The following NKAIN3 variants were observed in gnomAD, a reference collection of about 807,000 sequenced individuals.
NKAIN3 encodes sodium/potassium-transporting ATPase subunit beta-1-interacting protein 3.
NKAIN3 carries 25 observed loss-of-function variants against 30.2 expected under a neutral mutation model. The observed-to-expected ratio is 0.83, with a 90% CI of 0.60 to 1.16. NKAIN3 has a LOEUF of 1.16. NKAIN3 is among the 50% of genes most tolerant of loss of function. The pLI, the probability that NKAIN3 is intolerant of heterozygous loss-of-function variation, is 0.00. For missense variants in NKAIN3, 225 were observed against 254.1 expected (o/e 0.89, Z 0.78); for synonymous variants, 91 against 89.6 (o/e 1.02, Z -0.09).
At chr8:62,596,479 A>G (rs1415951410) in intron 3 of NKAIN3, among the ~76,000 whole-genome samples, 1 of 151,972 alleles carries the variant, frequency 6.6e-6, no homozygotes, top group Admixed American at 6.6e-5. Context: ...CTGATGTTTG[A>G]CAGGTGTTCC....
chr8:62,994,269 G>A (rs1031553), intron 5 of NKAIN3, among the ~76,000 whole-genome samples: 29,642 of 152,090 alleles, frequency 0.19, 3,001 homozygotes, highest in East Asian at 0.41. Flanking sequence ...GCAATGGGTC[G>A]TTATGCAGCT....
chr8:62,333,206 A>G (rs962853526), intron 1 of NKAIN3, among the ~76,000 whole-genome samples: 1 of 152,058 alleles, frequency 6.6e-6, no homozygotes, highest in Non-Finnish European at 1.5e-5. Flanking sequence ...TCTAAAGGAT[A>G]TTTTCCTCAA....
At chr8:62,532,725 A>G (rs10098369) in intron 1 of NKAIN3, among the ~76,000 whole-genome samples, 7,176 of 152,214 alleles carry the variant, frequency 0.047, 498 homozygotes, top group African/African-American at 0.16. Context: ...CCATTCTATG[A>G]AAAGGCTTAT....
At chr8:62,962,354 A>T (rs1823591841) in intron 6 of NKAIN3, among the ~76,000 whole-genome samples, 1 of 152,258 alleles carries the variant, frequency 6.6e-6, no homozygotes, top group South Asian at 2.1e-4. Flanking sequence ...CATATAAGGC[A>T]TAATTTCAAC....
chr8:62,319,049 G>A (rs1814772152), intron 1 of NKAIN3, among the ~76,000 whole-genome samples: 1 of 152,022 alleles, frequency 6.6e-6, no homozygotes, highest in Non-Finnish European at 1.5e-5. Context: ...GCTTCTTCCT[G>A]GTTTAGTCTT....
intron 4 of NKAIN3, among the ~76,000 whole-genome samples, chr8:62,808,751 CCGAGAT>C (rs1818387458): frequency 6.6e-6 from 1 of 152,078 alleles, no homozygotes; most frequent in African/African-American, 2.4e-5. Context: ...TGGGGGCAGA[CCGAGAT>C]CACAAGACCA....
chr8:62,659,024 T>C (rs995093027), intron 3 of NKAIN3, among the ~76,000 whole-genome samples: 5 of 152,178 alleles, frequency 3.3e-5, no homozygotes, highest in Non-Finnish European at 5.9e-5. Flanking sequence ...CGCTCATTCA[T>C]ATGGAAATTC....
rs572971749 is a variant in NKAIN3 at position 62,979,090 on chromosome 8, G to C, written c.*13683G>C. 8 of 152,336 alleles carry C rather than the reference G, an allele frequency of 5.3e-5. No individual in the cohort carries two copies. In the East Asian group the frequency reaches 1.5e-3, roughly 29 times the overall value. The allele number at this position is 152,336 out of a possible 1,614,324, so 9.4% of individuals were successfully genotyped here. ...TGAGATGAACCGAGTACCTCAGTTG[G>C]AAATGCAGAAATCACCCACTTTCTG... On this transcript the variant is annotated 3_prime_UTR_variant, in exon 7 of 7. Transcript: ENST00000623646.
intron 1 of NKAIN3, among the ~76,000 whole-genome samples, chr8:62,488,744 A>G (rs1350192217): frequency 6.6e-6 from 1 of 152,170 alleles, no homozygotes; most frequent in Non-Finnish European, 1.5e-5. Flanking sequence ...AGAAAAATAA[A>G]CCATATTTTA....
At chr8:62,846,909 T>C (rs769508688) in intron 4 of NKAIN3, among the ~76,000 whole-genome samples, 1 of 152,074 alleles carries the variant, frequency 6.6e-6, no homozygotes, top group Non-Finnish European at 1.5e-5. Context: ...GCAAGAGAGC[T>C]TGTGCAGGGT....
chr8:62,310,217 A>C (rs1174046240), intron 1 of NKAIN3, among the ~76,000 whole-genome samples: 1 of 150,522 alleles, frequency 6.6e-6, no homozygotes, highest in East Asian at 1.9e-4. Context: ...AGTTGAAAAA[A>C]AATATTGGAC....
intron 1 of NKAIN3, among the ~76,000 whole-genome samples, chr8:62,417,873 C>T (rs188154871): frequency 6.6e-6 from 1 of 152,122 alleles, no homozygotes; most frequent in Admixed American, 6.5e-5. Context: ...GCTTATTAAT[C>T]CCTTGTCAGA....
chr8:62,366,569 A>G (rs1042909611), intron 1 of NKAIN3, among the ~76,000 whole-genome samples: 10 of 152,050 alleles, frequency 6.6e-5, no homozygotes, highest in African/African-American at 2.4e-4. Context: ...CTCCTTTGTC[A>G]TGTCTGAGCC....
At chr8:62,596,762 G>T (rs1351247182) in intron 3 of NKAIN3, among the ~76,000 whole-genome samples, 1 of 152,014 alleles carries the variant, frequency 6.6e-6, no homozygotes, top group African/African-American at 2.4e-5. Flanking sequence ...TTGAGGTCTG[G>T]ATCAGTCAAG....
rs751886092 is a variant in NKAIN3 at position 62,249,101 on chromosome 8, C to T, written c.28C>T (p.Leu10Phe). MGCCTGRCS[L>F]ICLCALQLVS... ...GGGCTGCTGCACCGGACGCTGCTCG[C>T]TCATCTGCCTCTGCGCGCTGCAGTT... The change falls in exon 1 of 7, where the codon CTC becomes TTC. Residue 10 changes from leucine (L) to phenylalanine (F), a missense_variant. Transcript: ENST00000623646. The T allele has an allele frequency of 1.0e-4, 156 of 1,539,142 alleles. No homozygotes were observed. Among genetic ancestry groups the T allele is most frequent in the Non-Finnish European group, 1.3e-4 (144 of 1,144,168 alleles).
rs559998691 is a variant in NKAIN3 at position 62,295,533 on chromosome 8, TA to T, written c.54+46411del. On this transcript the variant is annotated intron_variant, in intron 1 of 6. Transcript: ENST00000623646. ...TGTTGAGCTTCAGTTTTGTAGTCTA[TA>T]AAAATGGAAATAAATATTAATGTAT... is the stretch of plus-strand genomic sequence containing the variant. Among the ~76,000 whole-genome samples the T allele has an allele frequency of 3.2e-4, 49 of 152,320 alleles. No homozygotes were observed. The East Asian group carries it at 8.7e-3, about 27-fold the overall frequency.
At chr8:62,331,994 T>A (rs559419934) in intron 1 of NKAIN3, among the ~76,000 whole-genome samples, 1 of 152,268 alleles carries the variant, frequency 6.6e-6, no homozygotes, top group East Asian at 1.9e-4. Flanking sequence ...ATGATCTGAA[T>A]TCAAAGGGAA....
chr8:62,597,543 T>C (rs138082824), intron 3 of NKAIN3, among the ~76,000 whole-genome samples: 52 of 152,194 alleles, frequency 3.4e-4, no homozygotes, highest in African/African-American at 1.2e-3. Flanking sequence ...TTAGTCTCTA[T>C]GGAACATAAT....
chr8:62,725,051 C>T (rs911446532), intron 3 of NKAIN3, among the ~76,000 whole-genome samples: 1 of 152,002 alleles, frequency 6.6e-6, no homozygotes, highest in African/African-American at 2.4e-5. Flanking sequence ...TTGTTATTGC[C>T]TGTCTTTTGG....
Sources: gnomAD v4.1 joint callset for allele counts (sites outside exome capture counted in the v4.1 genomes callset) on GRCh38, gnomAD v4.1.1 for gene constraint, MANE v1.5 for transcripts, NCBI Gene and HGNC (gene_info 2026-07-23, HGNC 2026-07-21) for gene names.